SLC6A11: variants seen among roughly 807,000 people sequenced by gnomAD.
SLC6A11 encodes sodium- and chloride-dependent GABA transporter 3.
Under a neutral mutation model 74.8 loss-of-function variants are expected in SLC6A11, and 25 were observed. The ratio of observed to expected loss-of-function variants is 0.33; its 90% CI spans 0.24 to 0.47. The LOEUF is 0.47. Among genes scored for constraint, SLC6A11 ranks in the 20% least tolerant of loss-of-function variants. The pLI, the probability that SLC6A11 is intolerant of heterozygous loss-of-function variation, is 1.00. For missense variants in SLC6A11, 574 were observed against 837.0 expected (o/e 0.69, Z 3.88); for synonymous variants, 330 against 330.2 (o/e 1.00, Z 0.01).
At chr3:10,855,286 A>G (rs1694625606) in intron 5 of SLC6A11, among the ~76,000 whole-genome samples, 1 of 152,222 alleles carries the variant, frequency 6.6e-6, no homozygotes, top group African/African-American at 2.4e-5. Context: ...GGTTTAAGTA[A>G]TGGGCTTGAG....
chr3:10,926,215 CCACCTGGCCCTGGCA>C lies in SLC6A11; in HGVS notation c.1233+100_1233+114del. Reference sequence around the variant, plus strand: ...AGTGGCTCCCCAGGCCCAGCCACTCCCACCTGGCCCTGGCATCAGGGCCCTGCCCACCGTCCCCCA... The same window carrying C: ...AGTGGCTCCCCAGGCCCAGCCACTCCTCAGGGCCCTGCCCACCGTCCCCCA... On this transcript the variant is annotated intron_variant, in intron 9 of 13. Transcript: ENST00000254488. The surrounding 1 kb of genome is among the most constrained non-coding windows in gnomAD (Gnocchi z 5.7). The C allele has an allele frequency of 2.8e-6, 2 of 719,070 alleles. No individual in the cohort carries two copies. Among genetic ancestry groups the C allele is most frequent in the Non-Finnish European group, 4.8e-6 (2 of 419,294 alleles). 44.5% of individuals were successfully genotyped at this position (719,070 alleles called of 1,614,324 possible). A position where few individuals can be genotyped will look rare whatever the true frequency, so the allele number is the denominator to read the frequency against.
intron 8 of SLC6A11, among the ~76,000 whole-genome samples, chr3:10,924,094 A>T (rs566646510): frequency 2.6e-5 from 4 of 152,260 alleles, no homozygotes; most frequent in African/African-American, 9.6e-5. Flanking sequence ...ACAACCAATA[A>T]ACGCAATGTG....
At position 10,858,302 on chromosome 3, in the gene SLC6A11, C is replaced by T. The variant is rs143624054; in HGVS notation, c.756+13956C>T. ...ATTAAAATGAGGTTAAAAAAATCTT[C>T]GAGGATATATGTAAAACAGAGTTAG... On this transcript the variant is annotated intron_variant, in intron 5 of 13. Coordinates refer to ENST00000254488, the MANE Select transcript of SLC6A11 (RefSeq NM_014229.3). Among the ~76,000 whole-genome samples, 225 of 152,230 alleles carry T rather than the reference C, an allele frequency of 1.5e-3. 1 individual carries two copies. Among genetic ancestry groups the T allele is most frequent in the Non-Finnish European group, 2.6e-3 (175 of 68,000 alleles).
At chr3:10,933,831 C>T (rs916984115) in intron 11 of SLC6A11, 1 of 382,430 alleles carries the variant, frequency 2.6e-6, no homozygotes, top group Non-Finnish European at 4.8e-6. Flanking sequence ...TCATCATTTC[C>T]TGGGCCTGAG....
intron 5 of SLC6A11, among the ~76,000 whole-genome samples, chr3:10,873,750 ATCCTGTCCTGTCCTGTCCTG>A (rs879308504): frequency 7.2e-6 from 1 of 139,198 alleles, no homozygotes; most frequent in Non-Finnish European, 1.6e-5. Flanking sequence ...GTCCCATGCT[ATCCTGTCCTGTCCTGTCCTG>A]TCCTGTCCTG....
chr3:10,819,595 T>G lies in SLC6A11; in HGVS notation c.387T>G (p.Phe129Leu), dbSNP rs372573459. Residue 129 changes from phenylalanine to leucine, a missense_variant, in exon 2 of 14, where the codon TTT (phenylalanine) becomes TTG (leucine). Around this residue, in one of 4 missense-constraint regions of SLC6A11, gnomAD observed 215 missense variants for 357.9 expected, o/e 0.60. Coordinates refer to ENST00000254488, the MANE Select transcript of SLC6A11 (RefSeq NM_014229.3). ...GTTGGAGGAAAGTTTGCCCTTTATT[T>G]GAAGGTATGTGTTGAGTTAATGAGA... ...ITCWRKVCPLFEGIGYATQVI... is the reference protein window; with the variant it reads ...ITCWRKVCPLLEGIGYATQVI... 1.0e-4 allele frequency: 165 copies of G among 1,613,888 alleles called. 1 individual carries two copies. Among genetic ancestry groups the G allele is most frequent in the Non-Finnish European group, 1.4e-4 (163 of 1,179,968 alleles).
chr3:10,904,788 G>A (rs551642436), intron 6 of SLC6A11, among the ~76,000 whole-genome samples: 187 of 152,178 alleles, frequency 1.2e-3, no homozygotes, highest in Non-Finnish European at 2.2e-3. Context: ...GCTTTTCTCT[G>A]TAAAGTATAG....
At chr3:10,924,001 C>A (rs1268759347) in intron 8 of SLC6A11, among the ~76,000 whole-genome samples, 1 of 152,058 alleles carries the variant, frequency 6.6e-6, no homozygotes, top group African/African-American at 2.4e-5. Context: ...AAACAACAAC[C>A]AGAACTCATC....
rs1220958449 is a variant in SLC6A11, at chr3:10,918,660, TC to T, written c.1120+211del. Among the ~76,000 whole-genome samples the T allele has an allele frequency of 1.3e-5, 2 of 151,930 alleles. No individual in the cohort carries two copies. Among genetic ancestry groups the T allele is most frequent in the South Asian group, 4.2e-4 (2 of 4,814 alleles). On this transcript the variant is annotated intron_variant, in intron 8 of 13. Coordinates refer to ENST00000254488, the MANE Select transcript of SLC6A11 (RefSeq NM_014229.3). This position sits in a 1 kb window ranked among gnomAD's most constrained non-coding sequence, Gnocchi z 4.5. ...CCTCCTCCCTCCCAAATCCAAGGCA[TC>T]CCCGAGTTTTGTAGATGCTGTTGCC... is the stretch of plus-strand genomic sequence containing the variant.
rs769635696 is a variant in SLC6A11 at position 10,834,797 on chromosome 3, G to A, written c.624-9417G>A. On this transcript the variant is annotated intron_variant, in intron 4 of 13. Coordinates refer to ENST00000254488, the MANE Select transcript of SLC6A11 (RefSeq NM_014229.3). Reference sequence around the variant, plus strand: ...CTCGAGTTTCCTCCTCTGTAGAATGGGTGTAAATAGACAGCACTTAAAGGT... The same window carrying A: ...CTCGAGTTTCCTCCTCTGTAGAATGAGTGTAAATAGACAGCACTTAAAGGT... Among the ~76,000 whole-genome samples, 240 of 152,298 alleles carry A rather than the reference G, an allele frequency of 1.6e-3. 1 individual carries two copies. Among genetic ancestry groups the A allele is most frequent in the Non-Finnish European group, 3.2e-3 (216 of 68,026 alleles).
At position 10,832,821 on chromosome 3, in the gene SLC6A11, A is replaced by G. The variant is rs371371760; in HGVS notation, c.623+9429A>G. Among the ~76,000 whole-genome samples, 5 of 152,324 alleles carry G rather than the reference A, an allele frequency of 3.3e-5. No individual in the cohort carries two copies. The East Asian group carries it at 5.8e-4, about 18-fold the overall frequency. ...TTTCCAGTGAACACTCGATTTCTTT[A>G]GTGCAAAAGTGATCTGTGTCCTTTT... On this transcript the variant is annotated intron_variant, in intron 4 of 13. Transcript: ENST00000254488.
chr3:10,874,216 A>C (rs866175747), intron 5 of SLC6A11, among the ~76,000 whole-genome samples: 7 of 152,246 alleles, frequency 4.6e-5, no homozygotes, highest in Admixed American at 1.3e-4. Flanking sequence ...AAATATTAGC[A>C]TGTATCACAC....
At chr3:10,838,321 G>T (rs377273742) in intron 4 of SLC6A11, among the ~76,000 whole-genome samples, 1 of 152,236 alleles carries the variant, frequency 6.6e-6, no homozygotes, top group Non-Finnish European at 1.5e-5. Context: ...GGGAACATGT[G>T]TGGGATTCCA....
intron 6 of SLC6A11, among the ~76,000 whole-genome samples, chr3:10,906,289 C>A (rs976754317): frequency 1.3e-5 from 2 of 152,190 alleles, no homozygotes; most frequent in Admixed American, 6.5e-5. Context: ...GGAATCTTCT[C>A]ACCCAAACGA....
intron 5 of SLC6A11, among the ~76,000 whole-genome samples, chr3:10,872,308 C>T (rs1694837078): frequency 6.6e-6 from 1 of 152,200 alleles, no homozygotes; most frequent in South Asian, 2.1e-4. Flanking sequence ...TTGAATGTTT[C>T]ATGTGTGGAA....
chr3:10,855,175 G>T (rs1202719665), intron 5 of SLC6A11, among the ~76,000 whole-genome samples: 5 of 152,180 alleles, frequency 3.3e-5, no homozygotes, highest in Non-Finnish European at 7.3e-5. Context: ...GAACACACAG[G>T]TGACAATTAG....
chr3:10,886,939 C>A (rs2106612910), intron 6 of SLC6A11, among the ~76,000 whole-genome samples: 1 of 152,202 alleles, frequency 6.6e-6, no homozygotes, highest in Admixed American at 6.5e-5. Context: ...TGTTAATATC[C>A]CCATTAAGAA....
intron 3 of SLC6A11, among the ~76,000 whole-genome samples, chr3:10,823,065 T>C (rs973356305): frequency 2.6e-5 from 4 of 152,128 alleles, no homozygotes; most frequent in Non-Finnish European, 5.9e-5. Context: ...TAGGGAGTGT[T>C]GGTTAGGAAT....
chr3:10,856,217 T>G (rs954626714), intron 5 of SLC6A11, among the ~76,000 whole-genome samples: 2 of 152,230 alleles, frequency 1.3e-5, no homozygotes, highest in Admixed American at 1.3e-4. Flanking sequence ...TTGATAGAAA[T>G]TGTGTGTGAT....
Sources: gnomAD v4.1 joint callset for allele counts (sites outside exome capture counted in the v4.1 genomes callset) on GRCh38, gnomAD v4.1.1 for gene constraint, gnomAD v4.1.1 regional missense constraint, Gnocchi (gnomAD v3.1) non-coding constraint, MANE v1.5 for transcripts, NCBI Gene and HGNC (gene_info 2026-07-23, HGNC 2026-07-21) for gene names.